RIPOR2: variants seen among roughly 807,000 people sequenced by gnomAD.
The protein encoded by RIPOR2 is RHO family interacting cell polarization regulator 2, also known as rho family-interacting cell polarization regulator 2.
In RIPOR2, 39 loss-of-function variants were observed where a neutral mutation model predicts 114.5. The observed-to-expected ratio is 0.34, with a 90% CI of 0.26 to 0.44. RIPOR2 has a LOEUF of 0.44. Ranked by LOEUF, RIPOR2 falls within the 20% of genes least tolerant of loss-of-function variation. The pLI, the probability that RIPOR2 is intolerant of heterozygous loss-of-function variation, is 1.00. For missense variants in RIPOR2, 1,007 were observed against 1,255.1 expected, an observed-to-expected ratio of 0.80 and a Z score of 2.99; for synonymous variants, 445 against 484.4, an observed-to-expected ratio of 0.92 and a Z score of 1.07.
At position 24,843,238 on chromosome 6, in the gene RIPOR2, G is replaced by C. The variant is rs201683408; in HGVS notation, c.1481C>G (p.Pro494Arg). ...PEEPRKPASA[P>R]SEACRRQSSG... Reference sequence around the variant, plus strand: ...GGACTGTCGGCGGCAAGCCTCAGATGGGGCCGAGGCAGGTTTTCTGGGCTC... The same window carrying C: ...GGACTGTCGGCGGCAAGCCTCAGATCGGGCCGAGGCAGGTTTTCTGGGCTC... Residue 494 changes from proline (P) to arginine (R), a missense_variant, in exon 13 of 22, where the codon CCA (proline) becomes CGA (arginine). Physicochemically the swap from Pro to Arg is moderately radical, Grantham distance 103 (BLOSUM62 -2). Transcript: ENST00000643898. 1 of 1,614,020 alleles carries C rather than the reference G, an allele frequency of 6.2e-7. No homozygotes were observed.
chr6:24,962,053 A>G (rs535238503), intron 1 of RIPOR2, among the ~76,000 whole-genome samples: 6 of 152,330 alleles, frequency 3.9e-5, no homozygotes, highest in African/African-American at 1.4e-4. Context: ...AGCAAGAAGC[A>G]GCAGCCAAAT....
chr6:24,866,542 T>C (rs988729087), intron 6 of RIPOR2, among the ~76,000 whole-genome samples: 3 of 147,220 alleles, frequency 2.0e-5, no homozygotes, highest in Non-Finnish European at 4.5e-5. Flanking sequence ...TTTTTTGAGA[T>C]GAGGTCTTGC....
chr6:24,936,718 A>G (rs1250355324), upstream of RIPOR2, among the ~76,000 whole-genome samples: 1 of 152,198 alleles, frequency 6.6e-6, no homozygotes, highest in East Asian at 1.9e-4. Context: ...GGCTGGCATC[A>G]CCATATCGAG....
At chr6:24,953,923 G>T (rs570591797) in intron 1 of RIPOR2, among the ~76,000 whole-genome samples, 59 of 152,178 alleles carry the variant, frequency 3.9e-4, no homozygotes, top group Middle Eastern at 6.8e-3. Context: ...CATTAAATTT[G>T]TCTGCTTTTC....
chr6:24,920,647 T>C (rs1342236775), intron 1 of RIPOR2, among the ~76,000 whole-genome samples: 5 of 152,182 alleles, frequency 3.3e-5, no homozygotes, highest in African/African-American at 1.2e-4. Context: ...AACAACTATT[T>C]CCTGAATGTT....
At chr6:25,034,228 A>G (rs561768178) in intron 1 of RIPOR2, among the ~76,000 whole-genome samples, 54 of 141,312 alleles carry the variant, frequency 3.8e-4, no homozygotes, top group Middle Eastern at 3.6e-3. Context: ...CAACATGCGC[A>G]TATTAGCTTT....
At chr6:25,023,778 T>G in intron 1 of RIPOR2, 11 of 794,722 alleles carry the variant, frequency 1.4e-5, no homozygotes, top group Non-Finnish European at 4.5e-6. Context: ...GAGCCATCGT[T>G]GACGTTGGTC....
intron 1 of RIPOR2, among the ~76,000 whole-genome samples, chr6:25,035,019 G>A (rs1777173196): frequency 6.6e-6 from 1 of 152,216 alleles, no homozygotes; most frequent in Non-Finnish European, 1.5e-5. Context: ...TCTGAATGAT[G>A]AGAAAATAGG....
intron 8 of RIPOR2, among the ~76,000 whole-genome samples, chr6:24,857,265 A>G (rs2113812455): frequency 1.3e-5 from 2 of 152,258 alleles, no homozygotes; most frequent in Admixed American, 1.3e-4. Flanking sequence ...TCACAGTTGG[A>G]GAAAGCTGCA....
chr6:24,877,913 G>T (rs1378754880), intron 1 of RIPOR2, among the ~76,000 whole-genome samples: 2 of 152,148 alleles, frequency 1.3e-5, no homozygotes, highest in Non-Finnish European at 2.9e-5. Flanking sequence ...TGGCAGGAAG[G>T]ACGGTTAGGA....
rs542150244 is a variant in RIPOR2, at chr6:24,833,429, A to G, written c.2209-1038T>C. On this transcript the variant is annotated intron_variant, in intron 15 of 21. Transcript: ENST00000643898. Reference sequence around the variant, plus strand: ...GGCAGGAGAGTCGCTTGAACCCTGGAGGCGGAGGCTGCAGTGAGCCAAGAT... The same window carrying G: ...GGCAGGAGAGTCGCTTGAACCCTGGGGGCGGAGGCTGCAGTGAGCCAAGAT... Among the ~76,000 whole-genome samples, 25 of 152,142 alleles carry G rather than the reference A, an allele frequency of 1.6e-4. No individual in the cohort carries two copies. In the South Asian group the frequency reaches 4.2e-3, roughly 25 times the overall value.
At chr6:25,022,720 T>C (rs1776392564) in intron 1 of RIPOR2, among the ~76,000 whole-genome samples, 1 of 151,630 alleles carries the variant, frequency 6.6e-6, no homozygotes, top group Non-Finnish European at 1.5e-5. Flanking sequence ...AATTTTTTGA[T>C]TGTTTTGTAG....
At chr6:24,943,388 G>T (rs910686118) in intron 1 of RIPOR2, among the ~76,000 whole-genome samples, 2 of 152,100 alleles carry the variant, frequency 1.3e-5, no homozygotes, top group African/African-American at 4.8e-5. Flanking sequence ...TACACCTAAT[G>T]TTAAATGACG....
At chr6:25,031,569 A>G (rs1426140612) in intron 1 of RIPOR2, among the ~76,000 whole-genome samples, 3 of 149,740 alleles carry the variant, frequency 2.0e-5, no homozygotes, top group Non-Finnish European at 4.4e-5. Flanking sequence ...ATATATATAT[A>G]TATACATATA....
intron 1 of RIPOR2, among the ~76,000 whole-genome samples, chr6:25,035,273 G>A (rs1053328671): frequency 1.3e-5 from 2 of 152,152 alleles, no homozygotes; most frequent in Non-Finnish European, 2.9e-5. Context: ...TATACAGAAT[G>A]TTCTAAAAGG....
At chr6:24,865,235 C>A (rs1200618002) in intron 7 of RIPOR2, 66 bp downstream of exon 7, 3 of 1,389,600 alleles carry the variant, frequency 2.2e-6, no homozygotes, top group Admixed American at 2.1e-5. Context: ...TTGTTCTTGG[C>A]AATTACCAAC....
intron 1 of RIPOR2, among the ~76,000 whole-genome samples, chr6:25,017,108 G>T (rs1053106632): frequency 6.6e-6 from 1 of 152,232 alleles, no homozygotes; most frequent in African/African-American, 2.4e-5. Context: ...GGGAGGCTGA[G>T]ACGGGTGGAT....
intron 1 of RIPOR2, among the ~76,000 whole-genome samples, chr6:25,030,626 G>A (rs1198720397): frequency 6.6e-6 from 1 of 152,172 alleles, no homozygotes; most frequent in Non-Finnish European, 1.5e-5. Context: ...GCTACATACT[G>A]TATGATTCTG....
intron 1 of RIPOR2, among the ~76,000 whole-genome samples, chr6:24,901,144 G>A (rs1768400993): frequency 6.6e-6 from 1 of 151,966 alleles, no homozygotes; most frequent in Non-Finnish European, 1.5e-5. Context: ...TGCCAGGCTT[G>A]GCCAGGCTTA....
Sources: allele counts gnomAD v4.1 joint callset (sites outside exome capture counted in the v4.1 genomes callset), GRCh38; gene constraint gnomAD v4.1.1; transcripts MANE v1.5; gene names NCBI Gene and HGNC (gene_info 2026-07-23, HGNC 2026-07-21).